Variants in ZFHX3 observed in about 807,000 individuals in gnomAD.
ZFHX3 encodes the protein zinc finger homeobox 3.
Under a neutral mutation model 279.1 loss-of-function variants are expected in ZFHX3, and 42 were observed. The ratio of observed to expected loss-of-function variants is 0.15; its 90% CI spans 0.12 to 0.19. The LOEUF (loss-of-function observed/expected upper bound fraction) is 0.19. Ranked by LOEUF, ZFHX3 falls within the 10% of genes least tolerant of loss-of-function variation. ZFHX3 has a pLI of 1.00. For missense variants in ZFHX3, 4,981 were observed against 4,754.0 expected, an observed-to-expected ratio of 1.05 and a Z score of -1.40; for synonymous variants, 2,293 against 1,957.8, an observed-to-expected ratio of 1.17 and a Z score of -4.52.
At chr16:73,678,783 T>A (rs2052980169) in intron 2 of ZFHX3, among the ~76,000 whole-genome samples, 1 of 152,166 alleles carries the variant, frequency 6.6e-6, no homozygotes, top group Non-Finnish European at 1.5e-5. Context: ...ATTTCATACA[T>A]CATTTACAGC....
intron 3 of ZFHX3, among the ~76,000 whole-genome samples, chr16:73,374,726 C>T (rs938252587): frequency 1.3e-5 from 2 of 152,024 alleles, no homozygotes; most frequent in African/African-American, 4.8e-5. Flanking sequence ...TCTTTTTGTC[C>T]TGGGTTTTTA....
chr16:73,328,197 C>G (rs148987619), intron 3 of ZFHX3, among the ~76,000 whole-genome samples: 50 of 152,142 alleles, frequency 3.3e-4, no homozygotes, highest in Admixed American at 1.4e-3. Flanking sequence ...GTATTATAAT[C>G]AACTGATGTT....
At chr16:73,187,430 C>A (rs1039103567) in intron 5 of ZFHX3, among the ~76,000 whole-genome samples, 2 of 151,842 alleles carry the variant, frequency 1.3e-5, no homozygotes, top group Non-Finnish European at 2.9e-5. Context: ...AATCCCTGAC[C>A]CCCCTGCCCT....
chr16:73,239,867 C>A (rs1032206886), intron 5 of ZFHX3, among the ~76,000 whole-genome samples: 69 of 152,108 alleles, frequency 4.5e-4, no homozygotes, highest in African/African-American at 1.3e-3. Context: ...TGTAAAGTTG[C>A]CACAGACACT....
chr16:73,543,208 A>G (rs554394722), intron 2 of ZFHX3, among the ~76,000 whole-genome samples: 1 of 152,326 alleles, frequency 6.6e-6, no homozygotes, highest in Non-Finnish European at 1.5e-5. Context: ...CTGAATAGGT[A>G]AAAAATACCT....
At chr16:73,527,556 G>T (rs896631921) in intron 2 of ZFHX3, among the ~76,000 whole-genome samples, 1 of 152,158 alleles carries the variant, frequency 6.6e-6, no homozygotes, top group Admixed American at 6.5e-5. Flanking sequence ...GTATAGGAGG[G>T]ACCTAGGGGC....
chr16:73,047,804 CG>C lies in ZFHX3; in HGVS notation c.-103del. 2 of 152,494 alleles carry C rather than the reference CG, an allele frequency of 1.3e-5. No individual in the cohort carries two copies. The highest frequency in any genetic ancestry group is 2.9e-5 in the Non-Finnish European group (2 of 68,214). 9.4% of individuals were successfully genotyped at this position (152,494 alleles called of 1,614,324 possible). On this transcript the variant is annotated 5_prime_UTR_variant, in exon 1 of 10. An upstream open reading frame in the 5' UTR loses its in-frame stop. Transcript: ENST00000268489. Reference sequence around the variant, plus strand: ...CGGAGGGAGGCGGCACTTGCAGGTCCGGGGGCCGCGCCGCCATGCGCAACAA... The same window carrying C: ...CGGAGGGAGGCGGCACTTGCAGGTCCGGGGCCGCGCCGCCATGCGCAACAA...
In ZFHX3 at chr16:73,424,776, A is replaced by AAG. The variant is rs1296852548; in HGVS notation, c.-1291+31225_-1291+31226dup. Among the ~76,000 whole-genome samples the AAG allele has an allele frequency of 6.7e-3, 959 of 143,298 alleles. 20 individuals carry two copies. The highest frequency in any genetic ancestry group is 0.017 in the East Asian group (78 of 4,470). 94.0% of individuals were successfully genotyped at this position (143,298 alleles called of 152,430 possible). ...GTCAAAAAAAAAAAAAAAAAAAAAA[A>AAG]AGAGAAAGAAAAGAAAAAAAAGAAC... is the stretch of plus-strand genomic sequence containing the variant. On this transcript the variant is annotated intron_variant, in intron 3 of 17. Transcript: ENST00000641206.
chr16:72,958,958 G>T lies in ZFHX3; in HGVS notation c.1188C>A (p.Thr396=), dbSNP rs1468448620. Residue 396 remains threonine (T), a synonymous_variant, in exon 2 of 10, where the codon ACC becomes ACA. Coordinates refer to ENST00000268489, the MANE Select transcript of ZFHX3 (RefSeq NM_006885.4). ...GPEQPQAGLL[T]PSTLLNLGGL... is the part of the protein sequence containing the mutation. The stretch of plus-strand genomic sequence containing the variant: ...CGCCAAGGTTCAACAGGGTGCTGGG[G>T]GTCAAGAGACCAGCCTGGGGCTGCT... 1 of 1,598,816 alleles carries T rather than the reference G, an allele frequency of 6.3e-7. No homozygotes were observed. Among genetic ancestry groups the T allele is most frequent in the African/African-American group, 1.3e-5 (1 of 74,356 alleles).
At chr16:73,708,088 GA>G (rs1016466947) in intron 1 of ZFHX3, among the ~76,000 whole-genome samples, 5 of 147,276 alleles carry the variant, frequency 3.4e-5, no homozygotes, top group African/African-American at 1.2e-4. Context: ...GTGGGGGGGG[GA>G]AGTATTTACA....
At chr16:72,884,023 C>CAA (rs57103961) in intron 4 of ZFHX3, among the ~76,000 whole-genome samples, 4,742 of 127,416 alleles carry the variant, frequency 0.037, 130 homozygotes, top group East Asian at 0.17. Flanking sequence ...TAGCTATTTA[C>CAA]AAAAAAAAAA....
At chr16:73,260,937 G>A (rs1435505011) in intron 4 of ZFHX3, among the ~76,000 whole-genome samples, 1 of 152,200 alleles carries the variant, frequency 6.6e-6, no homozygotes, top group East Asian at 1.9e-4. Context: ...ACCTGCCTTG[G>A]CCTCCCAAAG....
At chr16:73,616,362 A>G (rs1408425567) in intron 2 of ZFHX3, among the ~76,000 whole-genome samples, 1 of 146,922 alleles carries the variant, frequency 6.8e-6, no homozygotes, top group East Asian at 2.0e-4. Context: ...GTCTGTGTCA[A>G]TCACAGCTGT....
chr16:73,598,914 C>G (rs189832429), intron 2 of ZFHX3, among the ~76,000 whole-genome samples: 1 of 152,186 alleles, frequency 6.6e-6, no homozygotes, highest in African/African-American at 2.4e-5. Flanking sequence ...AGGAGCCTGC[C>G]ACCACGCCTG....
chr16:73,226,714 T>A (rs1476005003), intron 5 of ZFHX3, among the ~76,000 whole-genome samples: 2 of 152,226 alleles, frequency 1.3e-5, no homozygotes, highest in Admixed American at 6.5e-5. Flanking sequence ...AAATTGATGG[T>A]ACTTCCCACC....
intron 2 of ZFHX3, among the ~76,000 whole-genome samples, chr16:73,600,452 C>G (rs1464803917): frequency 1.4e-5 from 2 of 138,878 alleles, no homozygotes; most frequent in East Asian, 4.2e-4. Flanking sequence ...GAGTCTCGCT[C>G]TGTCACCCAG....
At chr16:72,946,912 G>A (rs1960708492) in intron 3 of ZFHX3, among the ~76,000 whole-genome samples, 2 of 152,216 alleles carry the variant, frequency 1.3e-5, no homozygotes, top group African/African-American at 2.4e-5. Context: ...CCAGTTGAGA[G>A]ACAAGTGCCT....
At chr16:72,931,067 G>C (rs1959769645) in intron 3 of ZFHX3, among the ~76,000 whole-genome samples, 1 of 152,104 alleles carries the variant, frequency 6.6e-6, no homozygotes, top group South Asian at 2.1e-4. Context: ...AACATAAGCT[G>C]TGGACTTATT....
At chr16:73,417,376 G>C (rs1045051860) in intron 3 of ZFHX3, among the ~76,000 whole-genome samples, 1 of 145,182 alleles carries the variant, frequency 6.9e-6, no homozygotes, top group African/African-American at 2.5e-5. Flanking sequence ...CATTAATTAA[G>C]AAAAGGAATT....
Sources: gnomAD v4.1 joint callset for allele counts (sites outside exome capture counted in the v4.1 genomes callset) on GRCh38, gnomAD v4.1.1 for gene constraint, MANE v1.5 for transcripts, NCBI Gene and HGNC (gene_info 2026-07-23, HGNC 2026-07-21) for gene names.